PTPRM: variants seen among roughly 807,000 people sequenced by gnomAD.
PTPRM encodes receptor-type tyrosine-protein phosphatase mu.
In PTPRM, 47 loss-of-function variants were observed where a neutral mutation model predicts 186.7. The observed-to-expected ratio is 0.25, with a 90% CI of 0.20 to 0.32. PTPRM has a LOEUF of 0.32. PTPRM is among the 10% of genes least tolerant of loss of function. The pLI is 1.00. For missense variants in PTPRM, 1,494 were observed against 1,865.0 expected (o/e 0.80, Z 3.66); for synonymous variants, 668 against 674.9 (o/e 0.99, Z 0.16).
chr18:8,158,278 C>A (rs2093162463), intron 14 of PTPRM, among the ~76,000 whole-genome samples: 1 of 152,212 alleles, frequency 6.6e-6, no homozygotes, highest in Admixed American at 6.5e-5. Flanking sequence ...GTTGATGTCT[C>A]AAGATGGAGT....
At chr18:7,832,253 A>G (rs2045799516) in intron 2 of PTPRM, among the ~76,000 whole-genome samples, 2 of 152,202 alleles carry the variant, frequency 1.3e-5, no homozygotes, top group Non-Finnish European at 2.9e-5. Flanking sequence ...ACTGTATATG[A>G]AGGTTCCCTT....
intron 14 of PTPRM, among the ~76,000 whole-genome samples, chr18:8,163,752 A>T (rs936714213): frequency 6.6e-6 from 1 of 152,184 alleles, no homozygotes; most frequent in Non-Finnish European, 1.5e-5. Context: ...TACAGATCTG[A>T]TTATGTGCAG....
chr18:7,666,680 A>G (rs1293519965), intron 1 of PTPRM, among the ~76,000 whole-genome samples: 1 of 152,256 alleles, frequency 6.6e-6, no homozygotes, highest in Non-Finnish European at 1.5e-5. Flanking sequence ...TCTTCAGACT[A>G]AGGCCCTGCT....
At chr18:7,914,184 A>G (rs1205335310) in intron 4 of PTPRM, among the ~76,000 whole-genome samples, 1 of 152,128 alleles carries the variant, frequency 6.6e-6, no homozygotes, top group Non-Finnish European at 1.5e-5. Context: ...GCTTTGGTTG[A>G]GAGATGTGTG....
chr18:7,898,825 G>A lies in PTPRM; in HGVS notation c.469-7680G>A, dbSNP rs146151127. On this transcript the variant is annotated intron_variant, in intron 3 of 32. Transcript: ENST00000580170. ...CATCACATGAATAGAGTTGATTCTC[G>A]ATTATTTGCAGCAGTTATGTTCTGT... Among the ~76,000 whole-genome samples the A allele has an allele frequency of 3.5e-3, 533 of 152,250 alleles. 1 individual carries two copies. The highest frequency in any genetic ancestry group is 0.012 in the African/African-American group (502 of 41,556).
chr18:7,888,493 T>C, intron 3 of PTPRM, 116 bp downstream of exon 3: 3 of 1,220,854 alleles, frequency 2.5e-6, no homozygotes, highest in Non-Finnish European at 3.3e-6. Context: ...GGCAAGGTTG[T>C]GGAGAAAGGG....
intron 5 of PTPRM, among the ~76,000 whole-genome samples, chr18:7,938,826 G>C (rs939091257): frequency 1.3e-5 from 2 of 152,094 alleles, no homozygotes; most frequent in Non-Finnish European, 2.9e-5. Flanking sequence ...TTGGATATCT[G>C]TATGTTATTT....
chr18:7,993,642 C>T (rs1023943122), intron 7 of PTPRM, among the ~76,000 whole-genome samples: 2 of 151,960 alleles, frequency 1.3e-5, no homozygotes, highest in African/African-American at 4.8e-5. Flanking sequence ...TCCTTCAGAA[C>T]GTAAGGAGAT....
At chr18:8,177,144 AT>A (rs1371690403) in intron 14 of PTPRM, among the ~76,000 whole-genome samples, 4 of 152,198 alleles carry the variant, frequency 2.6e-5, no homozygotes, top group African/African-American at 7.2e-5. Flanking sequence ...TGACTTAAGT[AT>A]TTTTTAACCT....
chr18:7,594,283 C>T (rs899175558), intron 1 of PTPRM, among the ~76,000 whole-genome samples: 20 of 152,204 alleles, frequency 1.3e-4, no homozygotes, highest in South Asian at 1.0e-3. Context: ...GAGTTCAAGA[C>T]CAGCCTGGCC....
intron 1 of PTPRM, among the ~76,000 whole-genome samples, chr18:7,688,284 C>T (rs1375739216): frequency 6.6e-6 from 1 of 152,102 alleles, no homozygotes; most frequent in Non-Finnish European, 1.5e-5. Context: ...CCTGTTTTAG[C>T]ACTGCACACC....
At chr18:7,687,960 T>G (rs1006184688) in intron 1 of PTPRM, among the ~76,000 whole-genome samples, 2 of 151,994 alleles carry the variant, frequency 1.3e-5, no homozygotes, top group Non-Finnish European at 2.9e-5. Flanking sequence ...GTATTTTTAG[T>G]AGAGACAGGG....
intron 30 of PTPRM, 109 bp downstream of exon 30, chr18:8,384,795 T>C: frequency 1.4e-6 from 2 of 1,424,568 alleles, no homozygotes; most frequent in Non-Finnish European, 9.6e-7. Flanking sequence ...GAGTTTGGAG[T>C]ATGTCAGTGA....
At chr18:7,959,256 T>C (rs978199275) in intron 7 of PTPRM, among the ~76,000 whole-genome samples, 8 of 152,354 alleles carry the variant, frequency 5.3e-5, no homozygotes, top group Admixed American at 4.6e-4. Flanking sequence ...GGCTACCTCA[T>C]TACCCAATGT....
At chr18:8,005,905 T>G (rs2147813661) in intron 7 of PTPRM, among the ~76,000 whole-genome samples, 1 of 152,384 alleles carries the variant, frequency 6.6e-6, no homozygotes, top group South Asian at 2.1e-4. Flanking sequence ...AAGTGCTATA[T>G]TAGAGCTGGG....
intron 1 of PTPRM, among the ~76,000 whole-genome samples, chr18:7,709,969 C>T (rs1261174585): frequency 3.3e-5 from 5 of 152,116 alleles, no homozygotes; most frequent in Non-Finnish European, 7.4e-5. Context: ...TTCTATCAGA[C>T]ATTCAAAGAA....
intron 7 of PTPRM, among the ~76,000 whole-genome samples, chr18:7,973,699 A>C (rs2054731460): frequency 6.6e-6 from 1 of 152,066 alleles, no homozygotes; most frequent in African/African-American, 2.4e-5. Context: ...TATGTAGTTA[A>C]ATTTATCAAT....
intron 2 of PTPRM, among the ~76,000 whole-genome samples, chr18:7,867,883 T>G (rs1418134944): frequency 6.6e-6 from 1 of 152,186 alleles, no homozygotes; most frequent in Non-Finnish European, 1.5e-5. Flanking sequence ...TCTTGGAGGC[T>G]TTGTTTGTTC....
chr18:8,319,747 A>C (rs978695181), intron 22 of PTPRM, among the ~76,000 whole-genome samples: 39 of 152,190 alleles, frequency 2.6e-4, no homozygotes, highest in African/African-American at 9.4e-4. Context: ...GGGATGACTC[A>C]AAAACCGTTT....
Sources: gnomAD v4.1 joint callset for allele counts (sites outside exome capture counted in the v4.1 genomes callset) on GRCh38, gnomAD v4.1.1 for gene constraint, MANE v1.5 for transcripts, NCBI Gene and HGNC (gene_info 2026-07-23, HGNC 2026-07-21) for gene names.